The following TBC1D5 variants were observed in gnomAD, a reference collection of about 807,000 sequenced individuals.
The protein encoded by TBC1D5 is TBC1 domain family, member 5.
A neutral mutation model predicts 100.3 loss-of-function variants in TBC1D5; 75 were observed. The ratio of observed to expected loss-of-function variants is 0.75; its 90% confidence interval spans 0.62 to 0.91. TBC1D5 has a LOEUF of 0.91. Among genes scored for constraint, TBC1D5 ranks in the 40% least tolerant of loss-of-function variants. The probability of loss-of-function intolerance (pLI) is 0.00; values close to 1 mark genes in which losing one functional copy is unlikely to be tolerated. For missense variants in TBC1D5, 910 were observed against 942.4 expected (o/e 0.97, Z 0.45); for synonymous variants, 323 against 325.6 (o/e 0.99, Z 0.09).
chr3:17,371,068 TAC>T (rs111820681), intron 13 of TBC1D5, among the ~76,000 whole-genome samples: 1,465 of 145,998 alleles, frequency 0.01, 12 homozygotes, highest in South Asian at 0.023. Context: ...ACTGAAAAAA[TAC>T]ACACACACAC....
At position 17,181,399 on chromosome 3, in the gene TBC1D5, T is replaced by G. The variant is rs143908576; in HGVS notation, c.1852+3710A>C. Among the ~76,000 whole-genome samples the G allele has an allele frequency of 2.1e-3, 323 of 152,322 alleles. 1 individual carries two copies. The highest frequency in any genetic ancestry group is 2.8e-3 in the Non-Finnish European group (193 of 68,028). On this transcript the variant is annotated intron_variant, in intron 19 of 21. Transcript: ENST00000253692. Reference sequence around the variant, plus strand: ...ACAGTTAAAGAGTTAAAAGGAAAGATGAGATGACTTGTGTTTAATACCCAC... The same window carrying G: ...ACAGTTAAAGAGTTAAAAGGAAAGAGGAGATGACTTGTGTTTAATACCCAC...
intron 2 of TBC1D5, among the ~76,000 whole-genome samples, chr3:17,542,140 A>C (rs896589706): frequency 6.6e-6 from 1 of 151,952 alleles, no homozygotes; most frequent in African/African-American, 2.4e-5. Flanking sequence ...TTTTTTTTAA[A>C]TTAGCCTGGC....
chr3:17,514,767 T>C (rs1181940588), intron 2 of TBC1D5, among the ~76,000 whole-genome samples: 2 of 152,128 alleles, frequency 1.3e-5, no homozygotes, highest in Non-Finnish European at 2.9e-5. Flanking sequence ...AAAGTCAAAC[T>C]GCCAAACAGA....
At chr3:17,189,701 C>T (rs1449362586) in intron 18 of TBC1D5, among the ~76,000 whole-genome samples, 1 of 152,168 alleles carries the variant, frequency 6.6e-6, no homozygotes, top group African/African-American at 2.4e-5. Context: ...CTTTGAGAAC[C>T]CAAGTCACTT....
In TBC1D5 at chr3:17,691,910, G is replaced by A. The variant is rs183895233; in HGVS notation, c.-101+47433C>T. ...CAACACCTTTCCAAGATATACTACC[G>A]AAGTAGAAACAAAAAAAAAAAATTC... is the stretch of plus-strand genomic sequence containing the variant. On this transcript the variant is annotated intron_variant, in intron 1 of 21. Coordinates refer to ENST00000253692, the Ensembl canonical transcript of TBC1D5. Among the ~76,000 whole-genome samples, 14 of 148,162 alleles carry A rather than the reference G, an allele frequency of 9.4e-5. No individual in the cohort carries two copies. The East Asian group carries it at 2.0e-3, about 21-fold the overall frequency.
chr3:17,612,747 C>A (rs2061778696), intron 2 of TBC1D5, among the ~76,000 whole-genome samples: 1 of 151,480 alleles, frequency 6.6e-6, no homozygotes, highest in South Asian at 2.1e-4. Flanking sequence ...CTGGGAAATC[C>A]TAGAAAACTG....
chr3:17,392,515 A>C (rs1421092356), intron 8 of TBC1D5, among the ~76,000 whole-genome samples: 1 of 151,326 alleles, frequency 6.6e-6, no homozygotes, highest in Non-Finnish European at 1.5e-5. Context: ...CTTCCCCTAA[A>C]CCCCCGACCC....
chr3:17,496,235 T>A (rs1367580138), intron 3 of TBC1D5, among the ~76,000 whole-genome samples: 6 of 152,230 alleles, frequency 3.9e-5, no homozygotes, highest in Non-Finnish European at 7.3e-5. Flanking sequence ...ACATTGACAT[T>A]GTTAAAGTAA....
chr3:17,311,797 A>G (rs919602394), intron 13 of TBC1D5, among the ~76,000 whole-genome samples: 1 of 152,114 alleles, frequency 6.6e-6, no homozygotes, highest in Non-Finnish European at 1.5e-5. Flanking sequence ...AACACACATT[A>G]TAAGGGCATC....
rs995646795 is a variant in TBC1D5 at position 17,210,861 on chromosome 3, CTATT to C, written c.1752+3342_1752+3345del. Among the ~76,000 whole-genome samples, 8 of 152,046 alleles carry C rather than the reference CTATT, an allele frequency of 5.3e-5. No homozygotes were observed. In the East Asian group the frequency reaches 1.2e-3, roughly 22 times the overall value. On this transcript the variant is annotated intron_variant, in intron 18 of 21. Transcript: ENST00000253692. Reference sequence around the variant, plus strand: ...AATTTTCTTATGTTTTTTCTCTCTTCTATTTATTTGTTTTATATTCTATTTTCAG... The same window carrying C: ...AATTTTCTTATGTTTTTTCTCTCTTCTATTTGTTTTATATTCTATTTTCAG...
At chr3:17,193,205 G>A (rs1285557358) in intron 18 of TBC1D5, among the ~76,000 whole-genome samples, 5 of 152,186 alleles carry the variant, frequency 3.3e-5, no homozygotes, top group Admixed American at 6.6e-5. Context: ...GCTTCAGCTG[G>A]CTCTAATAGA....
intron 3 of TBC1D5, among the ~76,000 whole-genome samples, chr3:17,490,867 G>T (rs1394187629): frequency 6.6e-6 from 1 of 152,084 alleles, no homozygotes; most frequent in Admixed American, 6.6e-5. Context: ...TAATTTAATG[G>T]TAATAACATT....
At chr3:17,439,219 C>T (rs980191305) in intron 3 of TBC1D5, among the ~76,000 whole-genome samples, 6 of 152,226 alleles carry the variant, frequency 3.9e-5, no homozygotes, top group African/African-American at 1.4e-4. Flanking sequence ...ACCCGAAGTA[C>T]ATAACTTTCA....
chr3:17,624,528 A>C (rs897281432), intron 1 of TBC1D5, among the ~76,000 whole-genome samples: 1 of 152,164 alleles, frequency 6.6e-6, no homozygotes, highest in African/African-American at 2.4e-5. Context: ...AAATGCAGAA[A>C]TACACCTAAT....
At chr3:17,305,823 G>GT (rs1201503782) in intron 14 of TBC1D5, among the ~76,000 whole-genome samples, 2 of 152,076 alleles carry the variant, frequency 1.3e-5, no homozygotes, top group Non-Finnish European at 2.9e-5. Flanking sequence ...CTGATCCACT[G>GT]TTTTTCTCCT....
intron 3 of TBC1D5, among the ~76,000 whole-genome samples, chr3:17,492,441 C>CTT (rs33930144): frequency 1.4e-5 from 2 of 146,348 alleles, no homozygotes; most frequent in African/African-American, 2.5e-5. Flanking sequence ...ACATTTGCAA[C>CTT]TTTTTTTTTT....
chr3:17,627,800 C>T (rs909309102), intron 1 of TBC1D5, among the ~76,000 whole-genome samples: 2 of 151,908 alleles, frequency 1.3e-5, no homozygotes, highest in East Asian at 3.9e-4. Flanking sequence ...AAAAGCTGGA[C>T]ATTTTCCTTT....
At chr3:17,293,289 A>C (rs1437338429) in intron 14 of TBC1D5, among the ~76,000 whole-genome samples, 1 of 152,194 alleles carries the variant, frequency 6.6e-6, no homozygotes, top group Non-Finnish European at 1.5e-5. Context: ...AGAACAGTAT[A>C]ATGGTTTTAT....
chr3:17,717,666 T>A (rs2075350181), intron 1 of TBC1D5, among the ~76,000 whole-genome samples: 4 of 152,174 alleles, frequency 2.6e-5, no homozygotes, highest in Admixed American at 2.6e-4. Flanking sequence ...GCTGAGTTAT[T>A]TATAATCTAA....
Sources: gnomAD v4.1 joint callset for allele counts (sites outside exome capture counted in the v4.1 genomes callset) on GRCh38, gnomAD v4.1.1 for gene constraint, MANE v1.5 for transcripts, NCBI Gene and HGNC (gene_info 2026-07-23, HGNC 2026-07-21) for gene names.